The following BABAM2 variants were observed in gnomAD, a reference collection of about 807,000 sequenced individuals.
BABAM2 encodes the protein BRISC and BRCA1 A complex member 2.
Under a neutral mutation model 54.7 loss-of-function variants are expected in BABAM2, and 31 were observed. The ratio of observed to expected loss-of-function variants is 0.57; its 90% CI spans 0.43 to 0.77. The LOEUF is 0.77. Among genes scored for constraint, BABAM2 ranks in the 30% least tolerant of loss-of-function variants. The probability of loss-of-function intolerance (pLI) is 0.00; values close to 1 mark genes in which losing one functional copy is unlikely to be tolerated. For synonymous variants in BABAM2, 167 were observed against 162.9 expected (o/e 1.03, Z -0.19); for missense variants, 364 against 455.8 (o/e 0.80, Z 1.83).
chr2:28,129,054 C>CT (rs2148767587), intron 6 of BABAM2, among the ~76,000 whole-genome samples: 1 of 152,280 alleles, frequency 6.6e-6, no homozygotes, highest in South Asian at 2.1e-4. Flanking sequence ...AGGTGGAGGT[C>CT]TTTCGCTTTG....
chr2:28,100,101 TA>T (rs1666949681), intron 6 of BABAM2, among the ~76,000 whole-genome samples: 1 of 152,206 alleles, frequency 6.6e-6, no homozygotes, highest in Admixed American at 6.5e-5. Context: ...TAAATTATTT[TA>T]GATAGATTTT....
chr2:28,168,417 G>A (rs1673947482), intron 7 of BABAM2, among the ~76,000 whole-genome samples: 2 of 152,272 alleles, frequency 1.3e-5, no homozygotes, highest in African/African-American at 4.8e-5. Context: ...TACTTCTTCT[G>A]GAGGTCTGTG....
intron 6 of BABAM2, among the ~76,000 whole-genome samples, chr2:28,111,157 T>A (rs1558345434): frequency 6.9e-6 from 1 of 145,510 alleles, no homozygotes; most frequent in African/African-American, 2.7e-5. Context: ...TTTGTATTTT[T>A]TTTTTAGTAG....
chr2:28,300,109 G>T (rs1687991362), intron 11 of BABAM2, among the ~76,000 whole-genome samples: 1 of 151,998 alleles, frequency 6.6e-6, no homozygotes, highest in Non-Finnish European at 1.5e-5. Flanking sequence ...GGACTAATTT[G>T]TGTATTTTGA....
At chr2:28,291,067 C>T (rs1687243682) in intron 10 of BABAM2, among the ~76,000 whole-genome samples, 1 of 152,078 alleles carries the variant, frequency 6.6e-6, no homozygotes, top group African/African-American at 2.4e-5. Context: ...GTTCTTTCAA[C>T]AAACACTATG....
chr2:28,147,668 T>C (rs954678456), intron 7 of BABAM2, among the ~76,000 whole-genome samples: 2 of 152,024 alleles, frequency 1.3e-5, no homozygotes, highest in African/African-American at 4.8e-5. Context: ...AGAGACGGGG[T>C]TTCACTGTGT....
Position 28,227,882 on chromosome 2 carries a change from G to T in BABAM2, c.681-9320G>T, listed in dbSNP as rs115167064. 5.7e-3 allele frequency among the ~76,000 whole-genome samples: 865 copies of T among 152,268 alleles called. 7 individuals are homozygous for T. Among genetic ancestry groups the T allele is most frequent in the African/African-American group, 0.02 (815 of 41,540 alleles). ...AACCTAGTAAATTGCCTTCTTTGGG[G>T]TGGGATCTGGGTATCTGAGTTTTTA... On this transcript the variant is annotated intron_variant, in intron 7 of 11. Transcript: ENST00000379624.
intron 4 of BABAM2, among the ~76,000 whole-genome samples, chr2:28,002,507 A>T (rs192027626): frequency 1.8e-4 from 27 of 152,218 alleles, no homozygotes; most frequent in Admixed American, 4.6e-4. Flanking sequence ...AGTTTTTTTT[A>T]AAAAAGCTAA....
intron 3 of BABAM2, among the ~76,000 whole-genome samples, chr2:27,972,532 A>C (rs1457159333): frequency 6.6e-6 from 1 of 152,090 alleles, no homozygotes; most frequent in East Asian, 1.9e-4. Flanking sequence ...TGTGCTGTCC[A>C]ATATAGTCGC....
chr2:27,966,133 G>C (rs1670826506), intron 3 of BABAM2, among the ~76,000 whole-genome samples: 1 of 152,074 alleles, frequency 6.6e-6, no homozygotes, highest in Admixed American at 6.5e-5. Flanking sequence ...TTCATTAGAG[G>C]CATATAATAT....
intron 6 of BABAM2, among the ~76,000 whole-genome samples, chr2:28,074,800 G>A (rs1019650568): frequency 7.2e-5 from 11 of 152,184 alleles, no homozygotes; most frequent in Middle Eastern, 3.4e-3. Context: ...TCACCACCCC[G>A]AGACTCTCCA....
At position 28,100,500 on chromosome 2, in the gene BABAM2, TAA is replaced by T. The variant is rs1666992583; in HGVS notation, c.571-28768_571-28767del. 2.0e-5 allele frequency among the ~76,000 whole-genome samples: 3 copies of T among 152,016 alleles called. No homozygotes were observed. In the South Asian group the frequency reaches 6.2e-4, roughly 32 times the overall value. ...AAAAAAAAGATGGCTGCCTGACTTT[TAA>T]AAGTCACCTAGTTGAAAAACTATGC... On this transcript the variant is annotated intron_variant, in intron 6 of 11. Coordinates refer to ENST00000379624, the MANE Select transcript of BABAM2 (RefSeq NM_199191.3).
chr2:28,063,789 G>A (rs1679093147), intron 6 of BABAM2, among the ~76,000 whole-genome samples: 5 of 152,084 alleles, frequency 3.3e-5, no homozygotes, highest in Admixed American at 2.6e-4. Context: ...TTTTTTTTAT[G>A]TGAGTATGAT....
chr2:27,939,754 G>A (rs1296160585), intron 3 of BABAM2, among the ~76,000 whole-genome samples: 4 of 152,180 alleles, frequency 2.6e-5, no homozygotes, highest in Non-Finnish European at 4.4e-5. Context: ...AATATTTTAT[G>A]TATTGGAAAA....
At chr2:28,130,466 GT>G (rs1285554412) in intron 7 of BABAM2, among the ~76,000 whole-genome samples, 1 of 152,110 alleles carries the variant, frequency 6.6e-6, no homozygotes, top group African/African-American at 2.4e-5. Flanking sequence ...TTTAATTTTT[GT>G]TTTGAGACAG....
At chr2:28,240,109 C>G (rs183807130) in intron 8 of BABAM2, among the ~76,000 whole-genome samples, 2 of 142,962 alleles carry the variant, frequency 1.4e-5, no homozygotes, top group Non-Finnish European at 1.5e-5. Context: ...TTTCTTTTTT[C>G]TTTTTTTTTT....
intron 5 of BABAM2, among the ~76,000 whole-genome samples, chr2:28,035,829 G>A (rs934777146): frequency 5.3e-5 from 8 of 152,130 alleles, no homozygotes; most frequent in Admixed American, 3.9e-4. Context: ...TAAAGGTGTA[G>A]ATTATAACTT....
chr2:27,957,686 A>C (rs1235863492), intron 3 of BABAM2, among the ~76,000 whole-genome samples: 1 of 152,204 alleles, frequency 6.6e-6, no homozygotes, highest in East Asian at 1.9e-4. Flanking sequence ...AAAGATGGCC[A>C]CAACAGCATT....
At chr2:27,957,920 G>A (rs893648011) in intron 3 of BABAM2, among the ~76,000 whole-genome samples, 2 of 152,180 alleles carry the variant, frequency 1.3e-5, no homozygotes, top group African/African-American at 4.8e-5. Context: ...TAAGAAGTCT[G>A]TCTATATTGA....
Sources: allele counts gnomAD v4.1 joint callset (sites outside exome capture counted in the v4.1 genomes callset), GRCh38; gene constraint gnomAD v4.1.1; transcripts MANE v1.5; gene names NCBI Gene and HGNC (gene_info 2026-07-23, HGNC 2026-07-21).